The following MBP variants were observed in gnomAD, a reference collection of about 807,000 sequenced individuals.
The protein encoded by MBP is myelin basic protein, also known as Golli-MBP.
Under a neutral mutation model 35.8 loss-of-function variants are expected in MBP, and 16 were observed. The observed-to-expected ratio is 0.45, with a 90% CI of 0.30 to 0.68. The LOEUF is 0.68. Ranked by LOEUF, MBP falls within the 30% of genes least tolerant of loss-of-function variation. The pLI is 0.08. For missense variants in MBP, 380 were observed against 404.7 expected, an observed-to-expected ratio of 0.94 and a Z score of 0.52; for synonymous variants, 143 against 159.6, an observed-to-expected ratio of 0.90 and a Z score of 0.78.
rs1038780006 is a variant in MBP, at chr18:76,989,178, G to A, written c.682-266C>T. On this transcript the variant is annotated intron_variant, in intron 5 of 8. Transcript: ENST00000355994. The surrounding 1 kb of genome is among the most constrained non-coding windows in gnomAD (Gnocchi z 4.0). ...CCCAGAGGCTCCGTAGCTGGGGAAT[G>A]GGCCCATCTTGGGACACTGAGGGAG... is the stretch of plus-strand genomic sequence containing the variant. 4.6e-6 allele frequency: 3 copies of A among 651,146 alleles called. No individual in the cohort carries two copies. The highest frequency in any genetic ancestry group is 1.8e-5 in the African/African-American group (1 of 56,096). 40.3% of individuals were successfully genotyped at this position (651,146 alleles called of 1,614,324 possible).
In MBP at chr18:77,060,021, T is replaced by C. The variant is rs140184393; in HGVS notation, c.139+6277A>G. On this transcript the variant is annotated intron_variant, in intron 3 of 8. Transcript: ENST00000355994. ...CTCTTTGTGGCAATAAGATAGCAAATTATGGGCTGGGCGTGGTGGCTCATG... is the reference window on the plus strand; with the variant it reads ...CTCTTTGTGGCAATAAGATAGCAAACTATGGGCTGGGCGTGGTGGCTCATG... Among the ~76,000 whole-genome samples, 666 of 152,254 alleles carry C rather than the reference T, an allele frequency of 4.4e-3. 2 individuals are homozygous for C. The highest frequency in any genetic ancestry group is 7.6e-3 in the Non-Finnish European group (516 of 68,012).
rs1193514917 is a variant in MBP at position 76,988,909 on chromosome 18, T to C, written c.685A>G (p.Thr229Ala). 1 of 1,613,730 alleles carries C rather than the reference T, an allele frequency of 6.2e-7. No homozygotes were observed. The highest frequency in any genetic ancestry group is 8.5e-7 in the Non-Finnish European group (1 of 1,179,856). Residue 229 changes from threonine (T) to alanine (A), a missense_variant, in exon 6 of 9, where the codon ACG (threonine) becomes GCG (alanine). Transcript: ENST00000355994. The surrounding 1 kb of genome is among the most constrained non-coding windows in gnomAD (Gnocchi z 5.2). ...TGCGACGGGGGTGGTGTGCGAGGCG[T>C]CACCTGGAAAGACACAGAGAACCGT... is the stretch of plus-strand genomic sequence containing the variant. ...PVVHFFKNIV[T>A]PRTPPPSQGK...
intron 3 of MBP, among the ~76,000 whole-genome samples, chr18:77,024,367 G>T (rs1442934598): frequency 6.6e-6 from 1 of 152,190 alleles, no homozygotes; most frequent in Non-Finnish European, 1.5e-5. Context: ...CCGGTCTAAA[G>T]AATTCTGTTT....
At position 77,102,450 on chromosome 18, in the gene MBP, A is replaced by T. The variant is rs1474950097; in HGVS notation, c.51+2761T>A. Among the ~76,000 whole-genome samples, 2 of 152,204 alleles carry T rather than the reference A, an allele frequency of 1.3e-5. No individual in the cohort carries two copies. The highest frequency in any genetic ancestry group is 2.9e-5 in the Non-Finnish European group (2 of 68,036). On this transcript the variant is annotated intron_variant, in intron 2 of 8. Transcript: ENST00000355994. The surrounding 1 kb of genome is among the most constrained non-coding windows in gnomAD (Gnocchi z 4.4). ...CTATGCAGCATCACAGAACATGTAC[A>T]TGTACTTGGAAGGGCACAAAATATT...
At chr18:77,118,335 CACCACCCTCACA>C (rs1487183525) in intron 1 of MBP, among the ~76,000 whole-genome samples, 14 of 151,898 alleles carry the variant, frequency 9.2e-5, no homozygotes, top group Non-Finnish European at 1.8e-4. Flanking sequence ...GAGCTCCACC[CACCACCCTCACA>C]ACATGGGCTG....
At position 77,132,742 on chromosome 18, in the gene MBP, GGGCCGGA is replaced by G. The variant is rs1044087828; in HGVS notation, c.-195_-189del. ...CGGGGTCGGGAGACAGGGGCCGCCG[GGGCCGGA>G]GGCTGCTTCTCTCTGGCGCGCGGCG... On this transcript the variant is annotated 5_prime_UTR_variant, in exon 1 of 9. Coordinates refer to ENST00000355994, the MANE Select transcript of MBP (RefSeq NM_001025101.2). 2.0e-5 allele frequency: 3 copies of G among 151,990 alleles called. No homozygotes were observed. Among genetic ancestry groups the G allele is most frequent in the Non-Finnish European group, 4.4e-5 (3 of 68,044 alleles). 9.4% of individuals were successfully genotyped at this position (151,990 alleles called of 1,614,324 possible). A position where few individuals can be genotyped will look rare whatever the true frequency, so the allele number is the denominator to read the frequency against.
intron 3 of MBP, among the ~76,000 whole-genome samples, chr18:77,058,792 G>A (rs1973847371): frequency 1.3e-5 from 2 of 152,236 alleles, no homozygotes. Context: ...TCGGCCGGCC[G>A]ACTGCAGCCT....
chr18:77,021,835 A>G (rs1464434727), intron 3 of MBP, among the ~76,000 whole-genome samples: 1 of 151,860 alleles, frequency 6.6e-6, no homozygotes, highest in Non-Finnish European at 1.5e-5. Context: ...TCCTTTCTTT[A>G]TTTCTCAGTG....
At chr18:77,074,904 C>T (rs1323709406) in intron 2 of MBP, among the ~76,000 whole-genome samples, 1 of 152,200 alleles carries the variant, frequency 6.6e-6, no homozygotes. Context: ...TAGAAAATTA[C>T]AGACAAAAGT....
chr18:76,980,550 G>A (rs1969126743), intron 8 of MBP, 79 bp from the exon 9 acceptor site: 3 of 1,124,410 alleles, frequency 2.7e-6, no homozygotes, highest in African/African-American at 3.1e-5. Context: ...CTGTGGTCCC[G>A]GGTGGATGCT....
At chr18:77,081,152 C>T (rs747207461) in intron 2 of MBP, among the ~76,000 whole-genome samples, 6 of 152,160 alleles carry the variant, frequency 3.9e-5, no homozygotes, top group Non-Finnish European at 8.8e-5. Flanking sequence ...AAAACAAGTG[C>T]CTCCTGGGCG....
chr18:77,019,498 G>C (rs764316517), intron 3 of MBP, among the ~76,000 whole-genome samples: 9 of 152,166 alleles, frequency 5.9e-5, no homozygotes, highest in Non-Finnish European at 1.2e-4. Context: ...CCAGGAGTAA[G>C]AGACATGGAG....
Position 77,001,388 on chromosome 18 carries a change from C to A in MBP, c.577-11328G>T, listed in dbSNP as rs529790098. 3.3e-5 allele frequency among the ~76,000 whole-genome samples: 5 copies of A among 152,344 alleles called. No individual in the cohort carries two copies. In the South Asian group the frequency reaches 1.0e-3, roughly 32 times the overall value. On this transcript the variant is annotated intron_variant, in intron 4 of 8. Transcript: ENST00000355994. The stretch of plus-strand genomic sequence containing the variant: ...CCCAGCGTAGCCTGACAGTCTCCAG[C>A]CACTCCGCAGCAGTCCACGGCAGCT...
rs575619009 is a variant in MBP, at chr18:77,034,509, T to C, written c.140-17241A>G. ...TTTGACCTACAAAACTTTGAGCTCA[T>C]AAACCTGTTTCAAGCTGTAAAATAT... On this transcript the variant is annotated intron_variant, in intron 3 of 8. Transcript: ENST00000355994. 4.6e-5 allele frequency among the ~76,000 whole-genome samples: 7 copies of C among 152,222 alleles called. No individual in the cohort carries two copies. In the South Asian group the frequency reaches 1.0e-3, roughly 23 times the overall value.
chr18:77,132,097 C>G (rs1977298139), intron 1 of MBP, among the ~76,000 whole-genome samples: 1 of 152,150 alleles, frequency 6.6e-6, no homozygotes, highest in Non-Finnish European at 1.5e-5. Flanking sequence ...AGCCAGCACC[C>G]TCTCCACACC....
intron 4 of MBP, chr18:77,012,960 C>T (rs1971432949): frequency 1.0e-6 from 1 of 985,304 alleles, no homozygotes; most frequent in African/African-American, 1.7e-5. Flanking sequence ...TGCAAAATCA[C>T]TGCCAGTACA....
chr18:77,120,551 C>T (rs72973241), intron 1 of MBP, among the ~76,000 whole-genome samples: 20,094 of 152,242 alleles, frequency 0.13, 1,592 homozygotes, highest in Middle Eastern at 0.22. Context: ...CTGGCTTCTC[C>T]CTGCCAGTTT....
rs184912541 is a variant in MBP at position 77,074,712 on chromosome 18, C to T, written c.52-8327G>A. On this transcript the variant is annotated intron_variant, in intron 2 of 8. Transcript: ENST00000355994. ...CAAAGTCCACGATTTCATGGGAAAT[C>T]GATTCCCAGACACAGCCTGCATTCC... Among the ~76,000 whole-genome samples the T allele has an allele frequency of 7.3e-4, 111 of 152,264 alleles. 3 individuals are homozygous for T. In the East Asian group the frequency reaches 0.018, roughly 24 times the overall value.
rs552826249 is a variant in MBP, at chr18:77,015,506, A to G, written c.576+1326T>C. 8 of 985,424 alleles carry G rather than the reference A, an allele frequency of 8.1e-6. No homozygotes were observed. In the East Asian group the frequency reaches 7.9e-4, roughly 98 times the overall value. 61.0% of individuals were successfully genotyped at this position (985,424 alleles called of 1,614,324 possible). A position where few individuals can be genotyped will look rare whatever the true frequency, so the allele number is the denominator to read the frequency against. ...GAGGACTGCTACAAAGGAAAAGAAC[A>G]TGTCTACAAATGCACTGAAAGAACT... On this transcript the variant is annotated intron_variant, in intron 4 of 8. Transcript: ENST00000355994.
Sources: gnomAD v4.1 joint callset for allele counts (sites outside exome capture counted in the v4.1 genomes callset) on GRCh38, gnomAD v4.1.1 for gene constraint, Gnocchi (gnomAD v3.1) non-coding constraint, MANE v1.5 for transcripts, NCBI Gene and HGNC (gene_info 2026-07-23, HGNC 2026-07-21) for gene names.